TACR1: variants seen among roughly 807,000 people sequenced by gnomAD.
The protein encoded by TACR1 is substance-P receptor.
Under a neutral mutation model 35.8 loss-of-function variants are expected in TACR1, and 25 were observed. The observed-to-expected ratio is 0.70, with a 90% CI of 0.51 to 0.98. The LOEUF (loss-of-function observed/expected upper bound fraction) is 0.98, where lower values mean the gene tolerates loss of function less well. Among genes scored for constraint, TACR1 ranks in the 50% least tolerant of loss-of-function variants. TACR1 has a pLI of 0.00. For missense variants in TACR1, 478 were observed against 522.9 expected (o/e 0.91, Z 0.84); for synonymous variants, 195 against 206.7 (o/e 0.94, Z 0.48).
At chr2:75,143,290 A>C (rs1674445546) in intron 1 of TACR1, among the ~76,000 whole-genome samples, 1 of 152,192 alleles carries the variant, frequency 6.6e-6, no homozygotes, top group African/African-American at 2.4e-5. Context: ...TTTCATTTCA[A>C]AACATTTTTG....
chr2:75,053,455 T>C (rs1480562486), intron 3 of TACR1, 150 bp downstream of exon 3: 3 of 1,093,144 alleles, frequency 2.7e-6, no homozygotes, highest in African/African-American at 3.3e-5. Flanking sequence ...CCAAAGACAC[T>C]GAAGAAAGAT....
At chr2:75,096,514 TA>T in intron 2 of TACR1, among the ~76,000 whole-genome samples, 1 of 152,212 alleles carries the variant, frequency 6.6e-6, no homozygotes, top group East Asian at 1.9e-4. Flanking sequence ...GTTGTATTCT[TA>T]ATATAAGATT....
intron 2 of TACR1, among the ~76,000 whole-genome samples, chr2:75,119,732 C>T (rs1259170374): frequency 6.6e-6 from 1 of 152,170 alleles, no homozygotes; most frequent in African/African-American, 2.4e-5. Context: ...CTGGCCTGAC[C>T]TTCCCATGTG....
rs1349182372 is a variant in TACR1 at position 75,051,257 on chromosome 2, T to C, written c.926A>G (p.Asn309Ser). The C allele has an allele frequency of 1.9e-6, 3 of 1,613,994 alleles. No homozygotes were observed. The highest frequency in any genetic ancestry group is 2.5e-6 in the Non-Finnish European group (3 of 1,180,024). ...ATGGGGTTGGGATCCTCACCTGTCA[T>C]TGAGGCAGCAGTAGATGATGGGGTT... ...MYNPIIYCCL[N>S]DRFRLGFKHA... The change falls in exon 4 of 5, where the codon AAT becomes AGT. Residue 309 changes from asparagine (N) to serine (S), a missense_variant. Physicochemically the swap from Asn to Ser is conservative, Grantham distance 46. Coordinates refer to ENST00000305249, the MANE Select transcript of TACR1 (RefSeq NM_001058.4).
In TACR1 at chr2:75,110,650, C is replaced by T. The variant is rs117537896; in HGVS notation, c.584+9924G>A. Among the ~76,000 whole-genome samples the T allele has an allele frequency of 2.7e-3, 404 of 151,806 alleles. 17 individuals are homozygous for T. The East Asian group carries it at 0.07, about 26-fold the overall frequency. ...TAATATTATGATCATAATATATGAT[C>T]GGTATTATTAATATTTTCACATTAA... is the stretch of plus-strand genomic sequence containing the variant. On this transcript the variant is annotated intron_variant, in intron 2 of 4. Transcript: ENST00000305249.
chr2:75,127,643 G>A (rs1674098743), intron 1 of TACR1, among the ~76,000 whole-genome samples: 1 of 152,192 alleles, frequency 6.6e-6, no homozygotes, highest in South Asian at 2.1e-4. Context: ...TGTTTGAGCT[G>A]TTCTGTCTCA....
chr2:75,128,966 C>G (rs971759209), intron 1 of TACR1, among the ~76,000 whole-genome samples: 4 of 152,052 alleles, frequency 2.6e-5, no homozygotes, highest in Non-Finnish European at 4.4e-5. Context: ...GACCTGTTTG[C>G]GATTTAGAGC....
intron 1 of TACR1, among the ~76,000 whole-genome samples, chr2:75,127,413 C>T (rs1337997004): frequency 1.3e-5 from 2 of 152,178 alleles, no homozygotes; most frequent in Admixed American, 1.3e-4. Flanking sequence ...AGAGTCTTCG[C>T]ATCCTCACTG....
chr2:75,148,372 C>A (rs909988909), intron 1 of TACR1, among the ~76,000 whole-genome samples: 6 of 152,178 alleles, frequency 3.9e-5, no homozygotes, highest in Admixed American at 1.3e-4. Flanking sequence ...CACAGCCTCT[C>A]CAGCATCTGT....
intron 2 of TACR1, among the ~76,000 whole-genome samples, chr2:75,067,312 C>T (rs1672782658): frequency 3.3e-5 from 5 of 152,116 alleles, no homozygotes; most frequent in Admixed American, 2.6e-4. Flanking sequence ...AGCAAAGTCA[C>T]CTGTTCAGGT....
At chr2:75,175,307 C>T (rs1460425509) in intron 1 of TACR1, among the ~76,000 whole-genome samples, 1 of 152,146 alleles carries the variant, frequency 6.6e-6, no homozygotes, top group Non-Finnish European at 1.5e-5. Flanking sequence ...TTTTGAATGT[C>T]CCTCCAGATA....
chr2:75,148,254 C>A (rs1180594071), intron 1 of TACR1, among the ~76,000 whole-genome samples: 1 of 152,172 alleles, frequency 6.6e-6, no homozygotes, highest in Non-Finnish European at 1.5e-5. Context: ...ATTGCTGGGT[C>A]AAATGGTTTT....
At chr2:75,153,058 C>T (rs1478961779) in intron 1 of TACR1, among the ~76,000 whole-genome samples, 1 of 152,138 alleles carries the variant, frequency 6.6e-6, no homozygotes, top group African/African-American at 2.4e-5. Flanking sequence ...TGCACCACCA[C>T]GCCTGGCTAA....
At chr2:75,093,877 G>C (rs1673359346) in intron 2 of TACR1, among the ~76,000 whole-genome samples, 1 of 151,972 alleles carries the variant, frequency 6.6e-6, no homozygotes, top group South Asian at 2.1e-4. Flanking sequence ...TAGAATCCTG[G>C]GGTATTAGAA....
intron 1 of TACR1, among the ~76,000 whole-genome samples, chr2:75,162,744 G>T (rs575882772): frequency 2.0e-5 from 3 of 152,180 alleles, no homozygotes; most frequent in Middle Eastern, 3.4e-3. Context: ...ACTTTTTTCT[G>T]CTTAAAATCT....
Position 75,110,385 on chromosome 2 carries a change from A to C in TACR1, c.584+10189T>G, listed in dbSNP as rs1186146337. The stretch of plus-strand genomic sequence containing the variant: ...AAAAATGCAGTCAAGGCAATAATTT[A>C]TTTTCAGTATAGATAAATTATTTTA... On this transcript the variant is annotated intron_variant, in intron 2 of 4. Coordinates refer to ENST00000305249, the MANE Select transcript of TACR1 (RefSeq NM_001058.4). 5.3e-5 allele frequency among the ~76,000 whole-genome samples: 8 copies of C among 152,126 alleles called. No individual in the cohort carries two copies. The East Asian group carries it at 1.5e-3, about 29-fold the overall frequency.
At chr2:75,157,159 T>C (rs982728254) in intron 1 of TACR1, among the ~76,000 whole-genome samples, 3 of 151,958 alleles carry the variant, frequency 2.0e-5, no homozygotes, top group African/African-American at 7.3e-5. Flanking sequence ...GGTTGGGGGA[T>C]TGATAAGGAG....
At chr2:75,116,742 C>T (rs914085220) in intron 2 of TACR1, among the ~76,000 whole-genome samples, 1 of 152,094 alleles carries the variant, frequency 6.6e-6, no homozygotes, top group Admixed American at 6.5e-5. Flanking sequence ...AACCCTGTCT[C>T]TACTAAAAAT....
intron 1 of TACR1, among the ~76,000 whole-genome samples, chr2:75,177,538 T>G (rs72809329): frequency 2.6e-5 from 4 of 152,142 alleles, no homozygotes; most frequent in Admixed American, 2.6e-4. Context: ...GTTCATGCAC[T>G]TTTTAGTTGA....
Sources: allele counts gnomAD v4.1 joint callset (sites outside exome capture counted in the v4.1 genomes callset), GRCh38; gene constraint gnomAD v4.1.1; transcripts MANE v1.5; gene names NCBI Gene and HGNC (gene_info 2026-07-23, HGNC 2026-07-21).